The following CTTNBP2NL variants were observed in gnomAD, a reference collection of about 807,000 sequenced individuals.
CTTNBP2NL encodes CTTNBP2 N-terminal-like protein.
Under a neutral mutation model 32.5 loss-of-function variants are expected in CTTNBP2NL, and 16 were observed. The ratio of observed to expected loss-of-function variants is 0.49; its 90% CI spans 0.33 to 0.75. CTTNBP2NL has a LOEUF of 0.75. CTTNBP2NL is among the 30% of genes least tolerant of loss of function. The pLI is 0.02. For missense variants in CTTNBP2NL, 645 were observed against 756.0 expected, an observed-to-expected ratio of 0.85 and a Z score of 1.72; for synonymous variants, 298 against 289.4, an observed-to-expected ratio of 1.03 and a Z score of -0.30.
rs531742549 is a variant in CTTNBP2NL, at chr1:112,416,787, C to T, written c.99+523C>T. ...AATTACAGGTGTGAGCCACCACGCC[C>T]GGCAGAATTTCATTCTTTTAGTTTA... On this transcript the variant is annotated intron_variant, in intron 3 of 5. Transcript: ENST00000271277. Among the ~76,000 whole-genome samples, 9 of 152,204 alleles carry T rather than the reference C, an allele frequency of 5.9e-5. No homozygotes were observed. In the South Asian group the frequency reaches 1.0e-3, roughly 18 times the overall value.
chr1:112,434,763 T>C (rs1359663586), intron 3 of CTTNBP2NL, among the ~76,000 whole-genome samples: 2 of 152,214 alleles, frequency 1.3e-5, no homozygotes. Context: ...GCATTTCCAT[T>C]CTTCCATAAC....
At chr1:112,434,368 A>G (rs1334908492) in intron 3 of CTTNBP2NL, among the ~76,000 whole-genome samples, 2 of 152,190 alleles carry the variant, frequency 1.3e-5, no homozygotes, top group African/African-American at 4.8e-5. Flanking sequence ...CCATCCACTC[A>G]CCCAACCTAA....
intron 3 of CTTNBP2NL, among the ~76,000 whole-genome samples, chr1:112,445,136 A>G (rs1340786815): frequency 6.6e-6 from 1 of 152,208 alleles, no homozygotes; most frequent in African/African-American, 2.4e-5. Flanking sequence ...AAGTGGGTCC[A>G]TCAGTCCCAG....
Position 112,456,311 on chromosome 1 carries a change from A to G in CTTNBP2NL, c.819A>G (p.Ile273Met). The change falls in exon 6 of 6, where the codon ATA becomes ATG. Residue 273 changes from isoleucine (I) to methionine (M), a missense_variant. Transcript: ENST00000271277. ...AAGAAATGGAAAGTTTAAAGAAGAT[A>G]GTGAAGGACCTAGAGGCTTCCCACC... ...LKEEMESLKK[I>M]VKDLEASHQH... 1.9e-6 allele frequency: 3 copies of G among 1,614,086 alleles called. No homozygotes were observed. The highest frequency in any genetic ancestry group is 2.5e-6 in the Non-Finnish European group (3 of 1,180,028).
In CTTNBP2NL at chr1:112,430,209, T is replaced by G. The variant is rs556293874; in HGVS notation, c.99+13945T>G. Among the ~76,000 whole-genome samples the G allele has an allele frequency of 9.4e-3, 369 of 39,442 alleles. 4 individuals carry two copies. The highest frequency in any genetic ancestry group is 0.042 in the Middle Eastern group (2 of 48). The allele number at this position is 39,442 out of a possible 152,430, so 25.9% of individuals were successfully genotyped here. A position where few individuals can be genotyped will look rare whatever the true frequency, so the allele number is the denominator to read the frequency against. On this transcript the variant is annotated intron_variant, in intron 3 of 5. Coordinates refer to ENST00000271277, the MANE Select transcript of CTTNBP2NL (RefSeq NM_018704.3). ...TTCTTTTCTTTTCTTTTCTTTTCTT[T>G]TCTTTTCTTTTCTTGTCTTTTCTCT...
At chr1:112,452,519 T>C (rs1197428107) in intron 4 of CTTNBP2NL, among the ~76,000 whole-genome samples, 1 of 149,890 alleles carries the variant, frequency 6.7e-6, no homozygotes, top group African/African-American at 2.5e-5. Context: ...TAATTTTGTA[T>C]TTTTAGTAGA....
At chr1:112,446,686 G>A (rs1162179034) in intron 3 of CTTNBP2NL, among the ~76,000 whole-genome samples, 1 of 152,116 alleles carries the variant, frequency 6.6e-6, no homozygotes, top group Non-Finnish European at 1.5e-5. Flanking sequence ...AAGTAGCTGG[G>A]GCTACAGGCA....
At chr1:112,445,192 A>T (rs1354204270) in intron 3 of CTTNBP2NL, among the ~76,000 whole-genome samples, 1 of 151,938 alleles carries the variant, frequency 6.6e-6, no homozygotes, top group Non-Finnish European at 1.5e-5. Context: ...TTTGATTGCA[A>T]CCTCATGAGA....
At chr1:112,404,808 T>C (rs765081583) in intron 1 of CTTNBP2NL, among the ~76,000 whole-genome samples, 28 of 152,182 alleles carry the variant, frequency 1.8e-4, no homozygotes, top group Non-Finnish European at 3.4e-4. Context: ...TTCCAGCACT[T>C]TGGGAGGCCG....
intron 2 of CTTNBP2NL, 51 bp from the exon 3 acceptor site, chr1:112,416,106 A>G: frequency 1.1e-6 from 1 of 943,064 alleles, no homozygotes; most frequent in East Asian, 2.4e-5. Flanking sequence ...CTTTAATTGT[A>G]TCAAATTAAC....
intron 1 of CTTNBP2NL, chr1:112,396,576 G>A (rs1189425388): frequency 1.3e-5 from 2 of 152,462 alleles, no homozygotes; most frequent in African/African-American, 4.8e-5. Context: ...TTGGCGGAGA[G>A]GACTCACAGG....
chr1:112,411,881 T>G (rs1648878671), intron 1 of CTTNBP2NL, among the ~76,000 whole-genome samples: 1 of 152,116 alleles, frequency 6.6e-6, no homozygotes, highest in Non-Finnish European at 1.5e-5. Context: ...GTCATGGTGA[T>G]TCAAGCAAAT....
At chr1:112,408,320 G>A (rs568279605) in intron 1 of CTTNBP2NL, among the ~76,000 whole-genome samples, 12 of 146,454 alleles carry the variant, frequency 8.2e-5, no homozygotes, top group African/African-American at 2.6e-4. Context: ...TGAGATTACA[G>A]GCATATGCCA....
chr1:112,411,860 G>A (rs1276385996), intron 1 of CTTNBP2NL, among the ~76,000 whole-genome samples: 2 of 152,050 alleles, frequency 1.3e-5, no homozygotes, highest in African/African-American at 2.4e-5. Flanking sequence ...ATCTAAGTGC[G>A]TTGTGCTTAA....
At chr1:112,412,408 T>G (rs970776312) in intron 2 of CTTNBP2NL, 91 bp downstream of exon 2, 3 of 152,148 alleles carry the variant, frequency 2.0e-5, no homozygotes, top group African/African-American at 7.2e-5. Flanking sequence ...AGGCAAAAAT[T>G]TATTGCAGTG....
chr1:112,394,629 GCTATC>G (rs1570706930), upstream of CTTNBP2NL, among the ~76,000 whole-genome samples: 1 of 152,218 alleles, frequency 6.6e-6, no homozygotes, highest in East Asian at 1.9e-4. Context: ...TCATAGTCTT[GCTATC>G]CTTCATATAC....
chr1:112,412,583 T>C (rs1648904553), intron 2 of CTTNBP2NL, among the ~76,000 whole-genome samples: 2 of 151,466 alleles, frequency 1.3e-5, no homozygotes, highest in African/African-American at 2.4e-5. Context: ...ATTGTGTTCA[T>C]GTAGACACTA....
At chr1:112,449,855 T>G (rs1252489550) in intron 4 of CTTNBP2NL, among the ~76,000 whole-genome samples, 1 of 152,138 alleles carries the variant, frequency 6.6e-6, no homozygotes, top group Non-Finnish European at 1.5e-5. Context: ...AGTGTGTGTG[T>G]GTGTTTCCAT....
intron 3 of CTTNBP2NL, among the ~76,000 whole-genome samples, chr1:112,442,057 G>T (rs544168963): frequency 6.6e-6 from 1 of 152,352 alleles, no homozygotes; most frequent in South Asian, 2.1e-4. Flanking sequence ...ATATATGAGA[G>T]ATCTCTGTAC....
Sources: gnomAD v4.1 joint callset for allele counts (sites outside exome capture counted in the v4.1 genomes callset) on GRCh38, gnomAD v4.1.1 for gene constraint, MANE v1.5 for transcripts, NCBI Gene and HGNC (gene_info 2026-07-23, HGNC 2026-07-21) for gene names.